PCDH15: variants seen among roughly 807,000 people sequenced by gnomAD.
The protein encoded by PCDH15 is protocadherin related 15.
In PCDH15, 129 loss-of-function variants were observed where a neutral mutation model predicts 178.5. The observed-to-expected ratio is 0.72, with a 90% CI of 0.63 to 0.84. The LOEUF (loss-of-function observed/expected upper bound fraction) is 0.84. Among genes scored for constraint, PCDH15 ranks in the 40% least tolerant of loss-of-function variants. PCDH15 has a pLI of 0.00. For synonymous variants in PCDH15, 800 were observed against 732.0 expected, an observed-to-expected ratio of 1.09 and a Z score of -1.50; for missense variants, 2,230 against 2,099.9, an observed-to-expected ratio of 1.06 and a Z score of -1.21.
intron 26 of PCDH15, among the ~76,000 whole-genome samples, chr10:53,887,456 CCTTTT>C (rs2081176935): frequency 6.6e-6 from 1 of 152,078 alleles, no homozygotes; most frequent in Non-Finnish European, 1.5e-5. Context: ...TTTTCCTTTT[CCTTTT>C]AATTTCAAGC....
chr10:54,135,644 A>G (rs1029257446), intron 14 of PCDH15, among the ~76,000 whole-genome samples: 2 of 152,182 alleles, frequency 1.3e-5, no homozygotes, highest in Non-Finnish European at 2.9e-5. Flanking sequence ...GTTGTTGATC[A>G]AGTTTTTAAA....
chr10:54,750,482 G>A (rs1194721341), intron 1 of PCDH15, among the ~76,000 whole-genome samples: 2 of 151,990 alleles, frequency 1.3e-5, no homozygotes, highest in Non-Finnish European at 2.9e-5. Flanking sequence ...TTACTACTGT[G>A]ATGAATCAAA....
intron 1 of PCDH15, among the ~76,000 whole-genome samples, chr10:55,251,446 A>G (rs781262188): frequency 2.0e-5 from 3 of 152,172 alleles, no homozygotes; most frequent in Admixed American, 6.5e-5. Context: ...AGAATGCTAT[A>G]GGAAATAATA....
intron 3 of PCDH15, among the ~76,000 whole-genome samples, chr10:54,456,650 T>C (rs762935769): frequency 7.2e-5 from 11 of 152,126 alleles, no homozygotes; most frequent in African/African-American, 2.7e-4. Flanking sequence ...TGTTTTGAAA[T>C]GTGAGTACGT....
intron 2 of PCDH15, among the ~76,000 whole-genome samples, chr10:54,604,831 G>C (rs1382906280): frequency 6.6e-6 from 1 of 150,892 alleles, no homozygotes; most frequent in Admixed American, 6.6e-5. Context: ...GTCTTATTTT[G>C]TGTTTCTTTT....
chr10:55,107,590 C>G (rs1837387349), intron 2 of PCDH15, among the ~76,000 whole-genome samples: 1 of 141,884 alleles, frequency 7.0e-6, no homozygotes. Flanking sequence ...CTCCTGGGTT[C>G]AAGCGATTCT....
intron 2 of PCDH15, among the ~76,000 whole-genome samples, chr10:54,957,971 G>A (rs1237272632): frequency 6.6e-6 from 1 of 151,680 alleles, no homozygotes; most frequent in Non-Finnish European, 1.5e-5. Context: ...AAGAAAAAAG[G>A]TTGACCCACT....
At chr10:54,073,769 T>C (rs1410257777) in intron 17 of PCDH15, among the ~76,000 whole-genome samples, 1 of 152,192 alleles carries the variant, frequency 6.6e-6, no homozygotes, top group Non-Finnish European at 1.5e-5. Flanking sequence ...GTCAGAAATA[T>C]CTAGGCTACA....
chr10:53,841,816 T>C (rs79124758), intron 28 of PCDH15, among the ~76,000 whole-genome samples: 5,916 of 151,976 alleles, frequency 0.039, 363 homozygotes, highest in African/African-American at 0.13. Context: ...ACTTGGAAAA[T>C]ATCAGTTAAT....
intron 14 of PCDH15, among the ~76,000 whole-genome samples, chr10:54,137,251 G>T (rs1455991687): frequency 1.3e-5 from 2 of 151,896 alleles, no homozygotes; most frequent in African/African-American, 4.8e-5. Flanking sequence ...ATCTATATAA[G>T]AAAAATTTTA....
chr10:55,091,659 T>C (rs1842320858), intron 2 of PCDH15, among the ~76,000 whole-genome samples: 1 of 151,966 alleles, frequency 6.6e-6, no homozygotes, highest in South Asian at 2.1e-4. Context: ...GGAATAGTTA[T>C]GCTGTTTATT....
At chr10:53,939,794 GAC>G (rs2085895230) in intron 24 of PCDH15, among the ~76,000 whole-genome samples, 2 of 152,118 alleles carry the variant, frequency 1.3e-5, no homozygotes, top group African/African-American at 4.8e-5. Context: ...GTGGGGGACA[GAC>G]GTTAATAAAT....
chr10:55,044,610 A>T (rs1372267701), intron 2 of PCDH15, among the ~76,000 whole-genome samples: 2 of 152,090 alleles, frequency 1.3e-5, no homozygotes, highest in Non-Finnish European at 2.9e-5. Flanking sequence ...TTCCCATGAG[A>T]TCTGCAGTCA....
chr10:54,833,459 A>G (rs1953261152), intron 3 of PCDH15, among the ~76,000 whole-genome samples: 1 of 152,224 alleles, frequency 6.6e-6, no homozygotes, highest in Non-Finnish European at 1.5e-5. Context: ...TTAAGAACAA[A>G]GACTAAGGTT....
intron 2 of PCDH15, among the ~76,000 whole-genome samples, chr10:54,964,896 A>G (rs531110793): frequency 6.6e-5 from 10 of 152,352 alleles, no homozygotes; most frequent in African/African-American, 2.4e-4. Flanking sequence ...CTCAGCAGTC[A>G]GAAAGAGCAG....
At chr10:54,345,808 A>G (rs1943158689) in intron 6 of PCDH15, among the ~76,000 whole-genome samples, 1 of 78,250 alleles carries the variant, frequency 1.3e-5, no homozygotes, top group African/African-American at 4.0e-5. Context: ...TCTCAAAAAA[A>G]AAAAAAAAAA....
chr10:55,158,078 G>GTACA (rs1554836140), intron 2 of PCDH15, among the ~76,000 whole-genome samples: 2 of 117,144 alleles, frequency 1.7e-5, no homozygotes, highest in African/African-American at 6.9e-5. Context: ...GTATGTGTGT[G>GTACA]TATATATATA....
intron 2 of PCDH15, among the ~76,000 whole-genome samples, chr10:55,442,789 AT>A (rs993067963): frequency 6.6e-6 from 1 of 151,548 alleles, no homozygotes; most frequent in African/African-American, 2.4e-5. Flanking sequence ...TATGTTACCC[AT>A]TTTTTTCCAG....
chr10:54,020,434 A>G lies in PCDH15; in HGVS notation c.2527-18T>C. 1 of 1,609,836 alleles carries G rather than the reference A, an allele frequency of 6.2e-7. No homozygotes were observed. The highest frequency in any genetic ancestry group is 1.1e-5 in the South Asian group (1 of 90,996). ...TCTTTGGCCTGTAATAAGCAGAAGA[A>G]TAGTTTTATTAGTGACGTTACCAAA... On this transcript the variant is annotated intron_variant, in intron 19 of 37. Transcript: ENST00000644397.
Sources: allele counts gnomAD v4.1 joint callset (sites outside exome capture counted in the v4.1 genomes callset), GRCh38; gene constraint gnomAD v4.1.1; transcripts MANE v1.5; gene names NCBI Gene and HGNC (gene_info 2026-07-23, HGNC 2026-07-21).